DGKG: variants seen among roughly 807,000 people sequenced by gnomAD.
The protein encoded by DGKG is DAG kinase gamma.
A neutral mutation model predicts 105.3 loss-of-function variants in DGKG; 78 were observed. The observed-to-expected ratio is 0.74, with a 90% CI of 0.62 to 0.89. The LOEUF is 0.89. Ranked by LOEUF, DGKG falls within the 40% of genes least tolerant of loss-of-function variation. DGKG has a pLI of 0.00. For synonymous variants in DGKG, 346 were observed against 367.1 expected (o/e 0.94, Z 0.66); for missense variants, 958 against 1,020.1 (o/e 0.94, Z 0.83).
Position 186,288,594 on chromosome 3 carries a change from G to A in DGKG, c.544+116C>T, listed in dbSNP as rs9833286. 10,064 of 1,098,626 alleles carry A rather than the reference G, an allele frequency of 9.2e-3. 55 individuals carry two copies. The highest frequency in any genetic ancestry group is 0.011 in the Middle Eastern group (40 of 3,594). 68.1% of individuals were successfully genotyped at this position (1,098,626 alleles called of 1,614,324 possible). On this transcript the variant is annotated intron_variant, in intron 6 of 24. Transcript: ENST00000265022. ...AGGACAAAGAAACCTCCCCAAAGAGGCGGGACGCATATCCGTGATATCAAC... is the reference window on the plus strand; with the variant it reads ...AGGACAAAGAAACCTCCCCAAAGAGACGGGACGCATATCCGTGATATCAAC...
At chr3:186,244,902 T>G (rs932952886) in intron 19 of DGKG, among the ~76,000 whole-genome samples, 15 of 152,134 alleles carry the variant, frequency 9.9e-5, no homozygotes, top group African/African-American at 3.6e-4. Context: ...CAAATTTCAG[T>G]GAACACCCTC....
chr3:186,344,504 T>C (rs1035575146), intron 1 of DGKG, among the ~76,000 whole-genome samples: 1 of 152,238 alleles, frequency 6.6e-6, no homozygotes, highest in Non-Finnish European at 1.5e-5. Context: ...ATGCTACATG[T>C]TCTCACTTAC....
At chr3:186,326,397 T>TCAAAAAAAAAAAAA (rs1560156258) in intron 1 of DGKG, among the ~76,000 whole-genome samples, 1 of 149,612 alleles carries the variant, frequency 6.7e-6, no homozygotes, top group African/African-American at 2.5e-5. Flanking sequence ...AGACACTGTC[T>TCAAAAAAAAAAAAA]TAAAAAAAAA....
At chr3:186,189,991 C>T (rs2284845) in intron 21 of DGKG, among the ~76,000 whole-genome samples, 16,688 of 152,172 alleles carry the variant, frequency 0.11, 960 homozygotes, top group East Asian at 0.18. Context: ...TCAGCACTGC[C>T]ATCTACCACA....
intron 1 of DGKG, among the ~76,000 whole-genome samples, chr3:186,324,069 C>G (rs925237350): frequency 1.0e-4 from 15 of 147,178 alleles, no homozygotes; most frequent in African/African-American, 3.6e-4. Context: ...GATCACACCA[C>G]TGCACTCCAG....
intron 21 of DGKG, among the ~76,000 whole-genome samples, chr3:186,205,257 CAAAAAAAAAAAAAA>C (rs71164580): frequency 4.1e-5 from 3 of 72,994 alleles, no homozygotes; most frequent in South Asian, 1.0e-3. Flanking sequence ...AACTCCTTCT[CAAAAAAAAAAAAAA>C]AAAAAAAAAA....
At chr3:186,215,274 G>A (rs1359082183) in intron 20 of DGKG, among the ~76,000 whole-genome samples, 2 of 152,132 alleles carry the variant, frequency 1.3e-5, no homozygotes, top group Non-Finnish European at 2.9e-5. Context: ...AGCCAGGTAT[G>A]GTGGCGGGCA....
intron 24 of DGKG, among the ~76,000 whole-genome samples, chr3:186,153,530 T>C (rs1715875022): frequency 6.6e-6 from 1 of 152,220 alleles, no homozygotes; most frequent in Non-Finnish European, 1.5e-5. Context: ...ACAGAGAGAA[T>C]TGATACACTA....
At chr3:186,291,418 A>G (rs1723304573) in intron 5 of DGKG, among the ~76,000 whole-genome samples, 1 of 152,200 alleles carries the variant, frequency 6.6e-6, no homozygotes. Context: ...ATGAAAAGAT[A>G]CTCAACATCA....
chr3:186,276,891 G>A (rs185420603), intron 9 of DGKG, among the ~76,000 whole-genome samples: 4 of 152,326 alleles, frequency 2.6e-5, no homozygotes, highest in African/African-American at 4.8e-5. Flanking sequence ...TCTGGGGTGC[G>A]TATGCATTTG....
At chr3:186,258,036 T>C (rs764909663) in intron 16 of DGKG, 97 bp from the exon 17 acceptor site, 2 of 874,536 alleles carry the variant, frequency 2.3e-6, no homozygotes, top group African/African-American at 1.7e-5. Context: ...CCCAGGAGTA[T>C]GTTAAGACCT....
At position 186,210,360 on chromosome 3, in the gene DGKG, C is replaced by T. The variant is rs1265040595; in HGVS notation, c.1917+1435G>A. ...CCTGCCAAGGCCTCTCCTCCTTCCTCAGCTCCCAGCACTGCGTTCACACGT... is the reference window on the plus strand; with the variant it reads ...CCTGCCAAGGCCTCTCCTCCTTCCTTAGCTCCCAGCACTGCGTTCACACGT... On this transcript the variant is annotated intron_variant, in intron 21 of 24. Transcript: ENST00000265022. The surrounding 1 kb of genome is among the most constrained non-coding windows in gnomAD (Gnocchi z 5.2). Among the ~76,000 whole-genome samples, 1 of 152,238 alleles carries T rather than the reference C, an allele frequency of 6.6e-6. No individual in the cohort carries two copies. Among genetic ancestry groups the T allele is most frequent in the East Asian group, 1.9e-4 (1 of 5,192 alleles).
In DGKG at chr3:186,288,796, C is replaced by T. The variant is rs150303739; in HGVS notation, c.458G>A (p.Ser153Asn). The T allele has an allele frequency of 4.0e-5, 65 of 1,613,346 alleles. 2 individuals are homozygous for T. The highest frequency in any genetic ancestry group is 2.6e-5 in the Non-Finnish European group (31 of 1,179,664). Reference sequence around the variant, plus strand: ...CAGGTATACCACTGGGGATTCCGAGCTTGAAGACCGAGGGACGGGGGGTTC... The same window carrying T: ...CAGGTATACCACTGGGGATTCCGAGTTTGAAGACCGAGGGACGGGGGGTTC... The part of the protein sequence containing the change: ...PLEPPVPRSS[S>N]SESPVVYLKD... Residue 153 changes from serine to asparagine, a missense_variant, in exon 6 of 25, where the codon AGC (serine) becomes AAC (asparagine). This residue lies in a region of DGKG where 643 missense variants were observed against 619.5 expected (regional missense o/e 1.04). Transcript: ENST00000265022.
chr3:186,153,908 C>T (rs1715895585), intron 24 of DGKG, among the ~76,000 whole-genome samples: 1 of 152,240 alleles, frequency 6.6e-6, no homozygotes, highest in Non-Finnish European at 1.5e-5. Flanking sequence ...AGTTCAAGAC[C>T]AGCCTGGGGA....
chr3:186,303,996 G>A (rs577993488), intron 3 of DGKG, among the ~76,000 whole-genome samples: 2 of 152,336 alleles, frequency 1.3e-5, no homozygotes, highest in East Asian at 1.9e-4. Flanking sequence ...GTGAGAGAAC[G>A]AAATCAGAGT....
chr3:186,272,644 C>T (rs971761489), intron 10 of DGKG, among the ~76,000 whole-genome samples: 25 of 152,320 alleles, frequency 1.6e-4, no homozygotes, highest in African/African-American at 4.6e-4. Flanking sequence ...GGGGAGTGTG[C>T]GGCATCATCC....
chr3:186,238,012 G>T lies in DGKG; in HGVS notation c.1826+4492C>A, dbSNP rs142418886. Among the ~76,000 whole-genome samples, 1,047 of 152,132 alleles carry T rather than the reference G, an allele frequency of 6.9e-3. 8 individuals carry two copies. The highest frequency in any genetic ancestry group is 0.024 in the African/African-American group (995 of 41,512). ...TGCTACACCTAAAACAACCAATTTG[G>T]CCAGGAGTGGTGGCTCACACCTGTA... is the stretch of plus-strand genomic sequence containing the variant. On this transcript the variant is annotated intron_variant, in intron 20 of 24. Transcript: ENST00000265022.
intron 7 of DGKG, among the ~76,000 whole-genome samples, chr3:186,283,097 C>T (rs919622447): frequency 5.3e-5 from 8 of 151,812 alleles, no homozygotes; most frequent in African/African-American, 9.7e-5. Context: ...TTAGTAGAAA[C>T]GGGGTTTCAC....
chr3:186,186,368 A>G (rs145131797), intron 22 of DGKG, among the ~76,000 whole-genome samples: 24 of 152,336 alleles, frequency 1.6e-4, no homozygotes, highest in African/African-American at 5.1e-4. Flanking sequence ...AATGCCAGGC[A>G]TGGGAGAGAC....
Sources: gnomAD v4.1 joint callset for allele counts (sites outside exome capture counted in the v4.1 genomes callset) on GRCh38, gnomAD v4.1.1 for gene constraint, gnomAD v4.1.1 regional missense constraint, Gnocchi (gnomAD v3.1) non-coding constraint, MANE v1.5 for transcripts, NCBI Gene and HGNC (gene_info 2026-07-23, HGNC 2026-07-21) for gene names.